The following H2BC4 variants were observed in gnomAD, a reference collection of about 807,000 sequenced individuals.
H2BC4 encodes histone H2B type 1-C/E/F/G/I.
A neutral mutation model predicts 6.2 loss-of-function variants in H2BC4; 10 were observed. The observed-to-expected ratio is 1.61, with a 90% CI of 0.99 to 2.73. The LOEUF is 2.73. Among genes scored for constraint, H2BC4 ranks in the 30% most tolerant of loss-of-function variants. The probability of loss-of-function intolerance (pLI) is 0.00; values close to 1 mark genes in which losing one functional copy is unlikely to be tolerated. For synonymous variants in H2BC4, 146 were observed against 70.7 expected, an observed-to-expected ratio of 2.07 and a Z score of -5.35; for missense variants, 176 against 168.7, an observed-to-expected ratio of 1.04 and a Z score of -0.24.
chr6:26,113,371 A>G (rs1462188031), downstream of H2BC4, among the ~76,000 whole-genome samples: 1 of 152,162 alleles, frequency 6.6e-6, no homozygotes, highest in Non-Finnish European at 1.5e-5. Context: ...AATGTTTTAC[A>G]TGGGTAAGTT....
intron 1 of H2BC4, among the ~76,000 whole-genome samples, chr6:26,116,154 C>A (rs1174093994): frequency 1.3e-5 from 2 of 152,150 alleles, no homozygotes; most frequent in Non-Finnish European, 2.9e-5. Context: ...GGTTTTACCA[C>A]AGGTAGCCTC....
At chr6:26,115,055 C>T (rs919497679) in exon 2 of H2BC4, 2 of 152,102 alleles carry the variant, frequency 1.3e-5, no homozygotes, top group African/African-American at 4.8e-5. Context: ...CACTCATTTT[C>T]ATTGGTTTAT....
chr6:26,120,311 C>CGTG (rs1487672111), downstream of H2BC4, among the ~76,000 whole-genome samples: 2 of 151,982 alleles, frequency 1.3e-5, no homozygotes, highest in Admixed American at 6.6e-5. Context: ...ATTAGCCAGG[C>CGTG]GTGGTGGTGC....
downstream of H2BC4, among the ~76,000 whole-genome samples, chr6:26,120,717 G>A (rs1345398268): frequency 6.6e-6 from 1 of 152,154 alleles, no homozygotes; most frequent in Non-Finnish European, 1.5e-5. Context: ...AACTCGTTAA[G>A]GTTTAGAAAA....
At chr6:26,114,391 T>A (rs1262148014), downstream of H2BC4, among the ~76,000 whole-genome samples, 2 of 151,572 alleles carry the variant, frequency 1.3e-5, no homozygotes, top group African/African-American at 4.8e-5. Flanking sequence ...GTAATTTCAA[T>A]TTTTTTTTCT....
At chr6:26,118,941 A>C (rs1316247164), downstream of H2BC4, among the ~76,000 whole-genome samples, 1 of 152,204 alleles carries the variant, frequency 6.6e-6, no homozygotes, top group Non-Finnish European at 1.5e-5. Context: ...CTATATAAAA[A>C]TAAGAAAAAG....
chr6:26,122,561 G>A (rs941783114), downstream of H2BC4, among the ~76,000 whole-genome samples: 2 of 152,158 alleles, frequency 1.3e-5, no homozygotes, highest in African/African-American at 4.8e-5. Flanking sequence ...GAGATACAGT[G>A]TATGTGCTAA....
chr6:26,116,656 C>T (rs1029803710), intron 1 of H2BC4, among the ~76,000 whole-genome samples: 8 of 151,972 alleles, frequency 5.3e-5, no homozygotes, highest in East Asian at 1.9e-4. Context: ...GATGCGATTG[C>T]GCCACTACAC....
downstream of H2BC4, among the ~76,000 whole-genome samples, chr6:26,121,920 G>C (rs1763501552): frequency 1.3e-5 from 2 of 151,944 alleles, no homozygotes; most frequent in South Asian, 4.2e-4. Flanking sequence ...GGGTGTCGTG[G>C]CGCATGCCTG....
At chr6:26,115,311 C>G (rs1246260287) in intron 1 of H2BC4, among the ~76,000 whole-genome samples, 1 of 152,124 alleles carries the variant, frequency 6.6e-6, no homozygotes, top group African/African-American at 2.4e-5. Context: ...TTTAGTTGTT[C>G]CAACAACCTT....
At chr6:26,117,364 G>C (rs1355227828) in intron 1 of H2BC4, among the ~76,000 whole-genome samples, 1 of 152,114 alleles carries the variant, frequency 6.6e-6, no homozygotes, top group Admixed American at 6.5e-5. Context: ...CTTCTAGAAG[G>C]TAGGTGCTAT....
chr6:26,115,705 G>C (rs1472643471), intron 1 of H2BC4, among the ~76,000 whole-genome samples: 4 of 152,102 alleles, frequency 2.6e-5, no homozygotes, highest in African/African-American at 9.7e-5. Flanking sequence ...CCACTCTTGA[G>C]GCTAGCAGTT....
downstream of H2BC4, among the ~76,000 whole-genome samples, chr6:26,119,233 G>A (rs1478551547): frequency 6.6e-6 from 1 of 152,038 alleles, no homozygotes; most frequent in Non-Finnish European, 1.5e-5. Context: ...TACAGTACGT[G>A]ATTTACAAAT....
chr6:26,123,441 T>G, downstream of H2BC4: 1 of 1,568,592 alleles, frequency 6.4e-7, no homozygotes, highest in Non-Finnish European at 8.6e-7. Flanking sequence ...ATTTGGCGTC[T>G]GGCCACAGCT....
chr6:26,118,189 A>G (rs896532346), intron 1 of H2BC4, among the ~76,000 whole-genome samples: 6 of 129,342 alleles, frequency 4.6e-5, no homozygotes, highest in African/African-American at 1.5e-4. Flanking sequence ...TCTGCATATT[A>G]GAGAAGCACA....
At chr6:26,118,851 T>C (rs1368043506), downstream of H2BC4, among the ~76,000 whole-genome samples, 1 of 152,194 alleles carries the variant, frequency 6.6e-6, no homozygotes, top group Non-Finnish European at 1.5e-5. Context: ...TTTGAAGTAC[T>C]GAAAATGGAG....
chr6:26,119,712 TA>T (rs1045596894), downstream of H2BC4, among the ~76,000 whole-genome samples: 39 of 151,932 alleles, frequency 2.6e-4, no homozygotes, highest in African/African-American at 8.7e-4. Flanking sequence ...ATATGAACCC[TA>T]AACTTGTGTA....
chr6:26,120,721 T>C (rs544415306), downstream of H2BC4, among the ~76,000 whole-genome samples: 5 of 152,332 alleles, frequency 3.3e-5, no homozygotes, highest in South Asian at 2.1e-4. Context: ...CGTTAAGGTT[T>C]AGAAAATATT....
intron 1 of H2BC4, among the ~76,000 whole-genome samples, chr6:26,117,083 C>T (rs1468991632): frequency 6.6e-6 from 1 of 151,966 alleles, no homozygotes; most frequent in Non-Finnish European, 1.5e-5. Flanking sequence ...AGGAATATGC[C>T]TAGAGAGCTA....
Sources: allele counts gnomAD v4.1 joint callset (sites outside exome capture counted in the v4.1 genomes callset), GRCh38; gene constraint gnomAD v4.1.1; transcripts MANE v1.5; gene names NCBI Gene and HGNC (gene_info 2026-07-23, HGNC 2026-07-21).